Variants in CADM2 observed in about 807,000 individuals in gnomAD.
The protein encoded by CADM2 is immunoglobulin superfamily member 4D.
Under a neutral mutation model 49.8 loss-of-function variants are expected in CADM2, and 12 were observed. That is an observed-to-expected ratio of 0.24 (90% CI 0.15 to 0.39). The LOEUF (loss-of-function observed/expected upper bound fraction) is 0.39. CADM2 is among the 10% of genes least tolerant of loss of function. The pLI is 1.00. For synonymous variants in CADM2, 214 were observed against 175.4 expected (o/e 1.22, Z -1.74); for missense variants, 378 against 492.3 (o/e 0.77, Z 2.20).
chr3:85,471,660 G>T (rs189413975), intron 1 of CADM2, among the ~76,000 whole-genome samples: 11 of 143,182 alleles, frequency 7.7e-5, no homozygotes, highest in African/African-American at 2.3e-4. Context: ...ATCTAACTGC[G>T]TTTGTTTTTC....
At chr3:85,170,320 G>A (rs894284900) in intron 1 of CADM2, among the ~76,000 whole-genome samples, 6 of 151,386 alleles carry the variant, frequency 4.0e-5, no homozygotes, top group Non-Finnish European at 8.8e-5. Context: ...TATGATGCTA[G>A]ATTGGTCACA....
chr3:85,895,715 T>C (rs12494511), intron 5 of CADM2, among the ~76,000 whole-genome samples: 100,169 of 151,902 alleles, frequency 0.66, 33,635 homozygotes, highest in African/African-American at 0.78. Context: ...ATGCTGTTCT[T>C]GTAATAGTAA....
intron 8 of CADM2, among the ~76,000 whole-genome samples, chr3:85,981,043 T>C (rs188383668): frequency 1.2e-4 from 18 of 151,586 alleles, no homozygotes; most frequent in Non-Finnish European, 1.6e-4. Flanking sequence ...CAAACAGTTT[T>C]TGTGCTTAAT....
At chr3:84,994,067 G>A (rs1326284533) in intron 1 of CADM2, among the ~76,000 whole-genome samples, 1 of 152,036 alleles carries the variant, frequency 6.6e-6, no homozygotes, top group South Asian at 2.1e-4. Context: ...TCAGTTGTTA[G>A]GTAATTTCCA....
At chr3:85,494,411 A>G (rs2039799836) in intron 1 of CADM2, among the ~76,000 whole-genome samples, 1 of 152,124 alleles carries the variant, frequency 6.6e-6, no homozygotes, top group Non-Finnish European at 1.5e-5. Context: ...ACAAATTGAG[A>G]GGTCACCCAA....
At chr3:85,578,859 G>C (rs1025208565) in intron 1 of CADM2, among the ~76,000 whole-genome samples, 2 of 152,132 alleles carry the variant, frequency 1.3e-5, no homozygotes, top group African/African-American at 4.8e-5. Context: ...ATAAAGTCGA[G>C]TCATTCACAC....
At chr3:84,987,047 C>A (rs577626881) in intron 1 of CADM2, among the ~76,000 whole-genome samples, 1 of 151,804 alleles carries the variant, frequency 6.6e-6, no homozygotes, top group South Asian at 2.1e-4. Flanking sequence ...AGCGAAACTC[C>A]GTCTCAAAAA....
At chr3:84,985,190 G>A (rs2032483240) in intron 1 of CADM2, among the ~76,000 whole-genome samples, 1 of 152,106 alleles carries the variant, frequency 6.6e-6, no homozygotes, top group African/African-American at 2.4e-5. Context: ...TTATATGCAT[G>A]TAGTTCTATA....
chr3:85,393,955 C>T (rs2034643513), intron 1 of CADM2, among the ~76,000 whole-genome samples: 1 of 152,034 alleles, frequency 6.6e-6, no homozygotes, highest in Non-Finnish European at 1.5e-5. Context: ...TACAGGCGCC[C>T]GTCACCACGC....
chr3:85,386,394 GAAC>G (rs1440758668), intron 1 of CADM2, among the ~76,000 whole-genome samples: 1 of 152,128 alleles, frequency 6.6e-6, no homozygotes, highest in Non-Finnish European at 1.5e-5. Context: ...TGGGTGGGGA[GAAC>G]AACTAGATAG....
chr3:85,739,337 T>G lies in CADM2; in HGVS notation c.88+12789T>G, dbSNP rs190125482. ...GAGTCTGAACATTAAGTTTTAGATGTCAATTATCTTTATAACTTATAAAAC... is the reference window on the plus strand; with the variant it reads ...GAGTCTGAACATTAAGTTTTAGATGGCAATTATCTTTATAACTTATAAAAC... On this transcript the variant is annotated intron_variant, in intron 2 of 9. Transcript: ENST00000383699. 2.2e-3 allele frequency among the ~76,000 whole-genome samples: 335 copies of G among 152,232 alleles called. 1 individual carries two copies. The highest frequency in any genetic ancestry group is 7.7e-3 in the African/African-American group (321 of 41,584).
At chr3:85,133,706 A>C (rs1206068147) in intron 1 of CADM2, among the ~76,000 whole-genome samples, 3 of 150,882 alleles carry the variant, frequency 2.0e-5, no homozygotes, top group Admixed American at 6.6e-5. Flanking sequence ...CTTGAGCTAG[A>C]TACAGAGTGC....
intron 7 of CADM2, among the ~76,000 whole-genome samples, chr3:85,941,760 C>G (rs1406196721): frequency 1.3e-5 from 2 of 152,042 alleles, no homozygotes; most frequent in African/African-American, 2.4e-5. Context: ...CAAGTTTTGA[C>G]AAAGAACAAA....
chr3:84,985,002 T>C (rs1344424902), intron 1 of CADM2, among the ~76,000 whole-genome samples: 1 of 152,160 alleles, frequency 6.6e-6, no homozygotes, highest in Non-Finnish European at 1.5e-5. Context: ...CAGTTCTCTA[T>C]AGACAGCAGT....
intron 8 of CADM2, among the ~76,000 whole-genome samples, chr3:85,998,735 A>T (rs2108732399): frequency 6.6e-6 from 1 of 152,250 alleles, no homozygotes; most frequent in South Asian, 2.1e-4. Context: ...ATATAGTATG[A>T]TGGATGGAAG....
chr3:85,601,318 TTTA>T, intron 1 of CADM2, among the ~76,000 whole-genome samples: 1 of 150,750 alleles, frequency 6.6e-6, no homozygotes, highest in South Asian at 2.1e-4. Flanking sequence ...TGTATATCAA[TTTA>T]TTTTCTCTTT....
At chr3:85,121,994 C>T (rs746913617) in intron 1 of CADM2, among the ~76,000 whole-genome samples, 2 of 151,930 alleles carry the variant, frequency 1.3e-5, no homozygotes, top group African/African-American at 2.4e-5. Flanking sequence ...CAATCGAGTC[C>T]AATCTTTTCA....
chr3:86,062,782 A>C (rs1198268676), intron 8 of CADM2, among the ~76,000 whole-genome samples: 1 of 151,834 alleles, frequency 6.6e-6, no homozygotes, highest in Non-Finnish European at 1.5e-5. Context: ...GCAAAACATA[A>C]AACGAAACAT....
chr3:85,691,301 C>G (rs563905418), intron 1 of CADM2, among the ~76,000 whole-genome samples: 1 of 152,270 alleles, frequency 6.6e-6, no homozygotes, highest in Admixed American at 6.5e-5. Flanking sequence ...GTGTGTGTCT[C>G]TCACTCTCTG....
Sources: allele counts gnomAD v4.1 joint callset (sites outside exome capture counted in the v4.1 genomes callset), GRCh38; gene constraint gnomAD v4.1.1; transcripts MANE v1.5; gene names NCBI Gene and HGNC (gene_info 2026-07-23, HGNC 2026-07-21).